The following GLCE variants were observed in gnomAD, a reference collection of about 807,000 sequenced individuals.
GLCE encodes the protein D-glucuronyl C5-epimerase.
GLCE carries 19 observed loss-of-function variants against 47.9 expected under a neutral mutation model. The ratio of observed to expected loss-of-function variants is 0.40; its 90% CI spans 0.28 to 0.58. The LOEUF (loss-of-function observed/expected upper bound fraction) is 0.58, where lower values mean the gene tolerates loss of function less well. Among genes scored for constraint, GLCE ranks in the 20% least tolerant of loss-of-function variants. The pLI, the probability that GLCE is intolerant of heterozygous loss-of-function variation, is 0.48. For synonymous variants in GLCE, 245 were observed against 263.4 expected, an observed-to-expected ratio of 0.93 and a Z score of 0.68; for missense variants, 556 against 743.3, an observed-to-expected ratio of 0.75 and a Z score of 2.93.
At chr15:69,170,684 A>C (rs1481147618) in intron 1 of GLCE, among the ~76,000 whole-genome samples, 1 of 152,230 alleles carries the variant, frequency 6.6e-6, no homozygotes, top group Non-Finnish European at 1.5e-5. Flanking sequence ...TTGTGTATTA[A>C]AAATTAGAAA....
intron 1 of GLCE, among the ~76,000 whole-genome samples, chr15:69,180,494 C>T (rs1428380101): frequency 2.0e-5 from 3 of 152,128 alleles, no homozygotes; most frequent in African/African-American, 7.2e-5. Flanking sequence ...TTACACTTCT[C>T]TAAAGGATGG....
At chr15:69,165,505 C>CTTT (rs1172987241) in intron 1 of GLCE, among the ~76,000 whole-genome samples, 18 of 84,592 alleles carry the variant, frequency 2.1e-4, no homozygotes, top group African/African-American at 7.3e-4. Context: ...GCACTGTCTG[C>CTTT]TTTTTTTTTT....
At chr15:69,221,472 C>CT (rs2140389754) in intron 2 of GLCE, among the ~76,000 whole-genome samples, 1 of 152,126 alleles carries the variant, frequency 6.6e-6, no homozygotes, top group South Asian at 2.1e-4. Flanking sequence ...TGGTTAATTT[C>CT]TAAGTATATT....
At chr15:69,220,803 A>G (rs1004418864) in intron 2 of GLCE, among the ~76,000 whole-genome samples, 6 of 152,082 alleles carry the variant, frequency 3.9e-5, no homozygotes, top group South Asian at 4.1e-4. Flanking sequence ...CAAATTGTCT[A>G]TTTTCTCTTG....
At position 69,173,663 on chromosome 15, in the gene GLCE, C is replaced by G. The variant is rs556640022; in HGVS notation, c.-105+12906C>G. 2.6e-5 allele frequency among the ~76,000 whole-genome samples: 4 copies of G among 152,048 alleles called. No individual in the cohort carries two copies. The South Asian group carries it at 8.3e-4, about 32-fold the overall frequency. On this transcript the variant is annotated intron_variant, in intron 1 of 4. Coordinates refer to ENST00000261858, the MANE Select transcript of GLCE (RefSeq NM_015554.3). ...ATTGAGTAGGGTTTAATCAAGCGATCCTTTAAGGACTTTTCCAATTTAAAA... is the reference window on the plus strand; with the variant it reads ...ATTGAGTAGGGTTTAATCAAGCGATGCTTTAAGGACTTTTCCAATTTAAAA...
At chr15:69,228,302 T>G (rs937069061) in intron 2 of GLCE, among the ~76,000 whole-genome samples, 1 of 152,146 alleles carries the variant, frequency 6.6e-6, no homozygotes, top group East Asian at 1.9e-4. Context: ...AGCTCTAAAA[T>G]GTATGTGGAA....
intron 2 of GLCE, among the ~76,000 whole-genome samples, chr15:69,224,199 C>G (rs1321333229): frequency 6.6e-6 from 1 of 152,122 alleles, no homozygotes. Flanking sequence ...CAGATTTTCT[C>G]CTTTCACTAG....
intron 2 of GLCE, among the ~76,000 whole-genome samples, chr15:69,232,117 G>A (rs1335264147): frequency 1.3e-5 from 2 of 152,068 alleles, no homozygotes; most frequent in Non-Finnish European, 2.9e-5. Context: ...CGTTTGGATG[G>A]AGTAAAGTAG....
At chr15:69,234,287 A>AT (rs1238740077) in intron 2 of GLCE, among the ~76,000 whole-genome samples, 20 of 151,880 alleles carry the variant, frequency 1.3e-4, no homozygotes, top group South Asian at 6.3e-4. Flanking sequence ...CCAGAAGATT[A>AT]TTTTTTTTTA....
In GLCE at chr15:69,269,030, C is replaced by T; in HGVS notation, c.1640C>T (p.Ala547Val). ...GAGCGTGGCATGGAATCTCTTAAAG[C>T]CATGCTGCCCTTGTATGACACTGGC... is the stretch of plus-strand genomic sequence containing the variant. ...LYERGMESLK[A>V]MLPLYDTGSG... Residue 547 changes from alanine (A) to valine (V), a missense_variant, in exon 5 of 5, where the codon GCC becomes GTC. Ala to Val is a moderately conservative substitution (Grantham distance 64). Transcript: ENST00000261858. 2 of 1,614,118 alleles carry T rather than the reference C, an allele frequency of 1.2e-6. No homozygotes were observed. Among genetic ancestry groups the T allele is most frequent in the Non-Finnish European group, 1.7e-6 (2 of 1,179,970 alleles).
rs756060048 is a variant in GLCE at position 69,268,921 on chromosome 15, G to A, written c.1531G>A (p.Gly511Ser). 1 of 1,614,028 alleles carries A rather than the reference G, an allele frequency of 6.2e-7. No homozygotes were observed. Among genetic ancestry groups the A allele is most frequent in the Non-Finnish European group, 8.5e-7 (1 of 1,179,910 alleles). The stretch of plus-strand genomic sequence containing the variant: ...CACACCTAGCTCTTTTGTTTTAAAT[G>A]GCTTTATGTATTCTTTAATTGGGCT... ...PTTPSSFVLN[G>S]FMYSLIGLYD... The change falls in exon 5 of 5, where the codon GGC becomes AGC. Residue 511 changes from glycine (G) to serine (S), a missense_variant. Transcript: ENST00000261858.
intron 1 of GLCE, among the ~76,000 whole-genome samples, chr15:69,207,239 C>T (rs1373082366): frequency 6.6e-6 from 1 of 152,076 alleles, no homozygotes; most frequent in African/African-American, 2.4e-5. Flanking sequence ...TAAAATTCCC[C>T]CAGCATCTTT....
chr15:69,180,194 A>G (rs2051731425), intron 1 of GLCE, among the ~76,000 whole-genome samples: 1 of 152,186 alleles, frequency 6.6e-6, no homozygotes, highest in Admixed American at 6.5e-5. Flanking sequence ...AGATTTTTTT[A>G]GTGGTCCCTT....
chr15:69,204,427 C>T (rs12441569), intron 1 of GLCE, among the ~76,000 whole-genome samples: 13,804 of 151,668 alleles, frequency 0.091, 807 homozygotes, highest in East Asian at 0.16. Flanking sequence ...GGATTACAGG[C>T]GTGTGCCACC....
rs1200671157 is a variant in GLCE at position 69,268,760 on chromosome 15, CCTAT to C, written c.1373_1376del (p.Tyr458CysfsTer2). On this transcript the variant is annotated frameshift_variant, in exon 5 of 5. Transcript: ENST00000261858. LOFTEE classifies it high-confidence loss of function. ...CAAGCCATTTCTACATTAGTCAGGG[CCTAT>C]CTGTTAACAAAAGACCATATATTCC... 4 of 1,614,078 alleles carry C rather than the reference CCTAT, an allele frequency of 2.5e-6. No individual in the cohort carries two copies. The highest frequency in any genetic ancestry group is 1.3e-5 in the African/African-American group (1 of 75,026).
intron 1 of GLCE, among the ~76,000 whole-genome samples, chr15:69,168,712 A>T (rs553393886): frequency 6.6e-6 from 1 of 152,146 alleles, no homozygotes; most frequent in African/African-American, 2.4e-5. Context: ...TTGTATTTTT[A>T]GTAGAGATGG....
intron 1 of GLCE, among the ~76,000 whole-genome samples, chr15:69,172,553 A>G (rs2051604023): frequency 6.6e-6 from 1 of 152,116 alleles, no homozygotes; most frequent in South Asian, 2.1e-4. Flanking sequence ...TGTTTTACAG[A>G]TGAGGAAAGG....
chr15:69,229,815 T>G (rs1037762434), intron 2 of GLCE, among the ~76,000 whole-genome samples: 1 of 152,070 alleles, frequency 6.6e-6, no homozygotes, highest in Non-Finnish European at 1.5e-5. Context: ...ATGGTCTAAA[T>G]ACCATTAAAA....
At chr15:69,253,635 G>T (rs769680473) in intron 2 of GLCE, among the ~76,000 whole-genome samples, 8 of 152,132 alleles carry the variant, frequency 5.3e-5, no homozygotes, top group Non-Finnish European at 1.0e-4. Context: ...TATATTCAGA[G>T]ATCCAAGAAG....
Sources: gnomAD v4.1 joint callset for allele counts (sites outside exome capture counted in the v4.1 genomes callset) on GRCh38, gnomAD v4.1.1 for gene constraint, MANE v1.5 for transcripts, NCBI Gene and HGNC (gene_info 2026-07-23, HGNC 2026-07-21) for gene names.